Variants in PPP2R3A observed in about 807,000 individuals in gnomAD.
PPP2R3A encodes the protein protein phosphatase 2 regulatory subunit B''alpha, also known as serine/threonine-protein phosphatase 2A regulatory subunit B'' subunit alpha.
PPP2R3A carries 80 observed loss-of-function variants against 106.9 expected under a neutral mutation model. The ratio of observed to expected loss-of-function variants is 0.75; its 90% CI spans 0.62 to 0.90. The LOEUF is 0.90. Ranked by LOEUF, PPP2R3A falls within the 40% of genes least tolerant of loss-of-function variation. PPP2R3A has a pLI of 0.00. For synonymous variants in PPP2R3A, 483 were observed against 468.3 expected, an observed-to-expected ratio of 1.03 and a Z score of -0.41; for missense variants, 1,386 against 1,350.4, an observed-to-expected ratio of 1.03 and a Z score of -0.41.
chr3:136,140,005 CAAAAA>C (rs370749523), intron 13 of PPP2R3A, among the ~76,000 whole-genome samples: 2 of 84,250 alleles, frequency 2.4e-5, no homozygotes, highest in Non-Finnish European at 4.6e-5. Flanking sequence ...GACTCTGTCT[CAAAAA>C]AAAAAAAAAA....
chr3:136,006,039 TG>T (rs1185758905), intron 2 of PPP2R3A, among the ~76,000 whole-genome samples: 2 of 152,214 alleles, frequency 1.3e-5, no homozygotes, highest in Non-Finnish European at 2.9e-5. Context: ...CCTGTGTTCC[TG>T]GCTAACACCT....
chr3:136,092,794 TAATA>T (rs1423985562), intron 10 of PPP2R3A, among the ~76,000 whole-genome samples: 1 of 152,218 alleles, frequency 6.6e-6, no homozygotes, highest in African/African-American at 2.4e-5. Flanking sequence ...ACAGTGTTTT[TAATA>T]AATAGTGCCG....
chr3:135,987,344 T>C (rs1169156222), intron 1 of PPP2R3A, among the ~76,000 whole-genome samples: 1 of 152,098 alleles, frequency 6.6e-6, no homozygotes, highest in African/African-American at 2.4e-5. Context: ...TAGGGCAATA[T>C]GAAGAGGCCA....
At chr3:136,056,165 C>T (rs1935853241) in intron 5 of PPP2R3A, among the ~76,000 whole-genome samples, 1 of 152,166 alleles carries the variant, frequency 6.6e-6, no homozygotes, top group South Asian at 2.1e-4. Context: ...GAGTAGTACT[C>T]ATCAGAACTG....
At chr3:136,035,506 A>G (rs1300804473) in intron 3 of PPP2R3A, among the ~76,000 whole-genome samples, 2 of 152,212 alleles carry the variant, frequency 1.3e-5, no homozygotes, top group East Asian at 1.9e-4. Flanking sequence ...GCTGGATACA[A>G]AATTTTGGCT....
chr3:136,000,957 T>TA (rs1434263121), intron 1 of PPP2R3A, 102 bp from the exon 2 acceptor site: 1 of 387,316 alleles, frequency 2.6e-6, no homozygotes, highest in Non-Finnish European at 4.6e-6. Context: ...ATATTGCAGA[T>TA]AATAAAGCGT....
intron 1 of PPP2R3A, among the ~76,000 whole-genome samples, chr3:135,967,972 A>G (rs912029595): frequency 6.6e-6 from 1 of 152,206 alleles, no homozygotes; most frequent in African/African-American, 2.4e-5. Context: ...AACATCAAAA[A>G]TGCTTACAGA....
In PPP2R3A at chr3:136,146,995, T is replaced by TA. The variant is rs946570598; in HGVS notation, c.*1831dup. On this transcript the variant is annotated 3_prime_UTR_variant, in exon 14 of 14. Coordinates refer to ENST00000264977, the MANE Select transcript of PPP2R3A (RefSeq NM_002718.5). The stretch of plus-strand genomic sequence containing the variant: ...ATTTTACAATATACATTTTTTTTTT[T>TA]AACTATTTGGCTTTACCTTTTTACC... 8 of 152,154 alleles carry TA rather than the reference T, an allele frequency of 5.3e-5. No homozygotes were observed. The highest frequency in any genetic ancestry group is 1.9e-4 in the African/African-American group (8 of 41,486). 9.4% of individuals were successfully genotyped at this position (152,154 alleles called of 1,614,324 possible).
intron 10 of PPP2R3A, 105 bp from the exon 11 acceptor site, chr3:136,101,902 G>A: frequency 8.4e-7 from 1 of 1,194,546 alleles, no homozygotes; most frequent in South Asian, 1.7e-5. Flanking sequence ...ATCTAAGCCT[G>A]AAGTGTATGT....
chr3:136,002,698 G>A lies in PPP2R3A; in HGVS notation c.1200G>A (p.Met400Ile). ...AVQVQSQSLT[M>I]NPLENVSSDD... ...AGGTCCAATCACAGTCATTAACCAT[G>A]AATCCTTTAGAAAATGTTTCTTCTG... is the stretch of plus-strand genomic sequence containing the variant. Residue 400 changes from methionine (M) to isoleucine (I), a missense_variant, in exon 2 of 14, where the codon ATG (methionine) becomes ATA (isoleucine). Met to Ile is a conservative substitution (Grantham distance 10). Coordinates refer to ENST00000264977, the MANE Select transcript of PPP2R3A (RefSeq NM_002718.5). 1 of 1,613,122 alleles carries A rather than the reference G, an allele frequency of 6.2e-7. No homozygotes were observed. Among genetic ancestry groups the A allele is most frequent in the Non-Finnish European group, 8.5e-7 (1 of 1,179,480 alleles).
intron 1 of PPP2R3A, among the ~76,000 whole-genome samples, chr3:135,982,739 C>T (rs1937555147): frequency 6.6e-6 from 1 of 152,162 alleles, no homozygotes; most frequent in African/African-American, 2.4e-5. Context: ...GCTTTCCCAT[C>T]TGATCTCAGT....
At chr3:136,062,289 A>C (rs1936103951) in intron 5 of PPP2R3A, among the ~76,000 whole-genome samples, 1 of 152,214 alleles carries the variant, frequency 6.6e-6, no homozygotes, top group South Asian at 2.1e-4. Context: ...TTCAATCCAG[A>C]GAAGTAATGA....
Position 135,982,543 on chromosome 3 carries a change from T to C in PPP2R3A, c.-441+16694T>C, listed in dbSNP as rs867024909. 2.6e-5 allele frequency among the ~76,000 whole-genome samples: 4 copies of C among 152,060 alleles called. No individual in the cohort carries two copies. In the South Asian group the frequency reaches 6.2e-4, roughly 24 times the overall value. ...TCAGCTCAGCCTCACATACCACATA[T>C]ATGACCAGGAAATAAAAAACAAATA... On this transcript the variant is annotated intron_variant, in intron 1 of 13. Coordinates refer to ENST00000264977, the MANE Select transcript of PPP2R3A (RefSeq NM_002718.5).
At chr3:136,092,140 C>A (rs1937107444) in intron 10 of PPP2R3A, among the ~76,000 whole-genome samples, 1 of 152,088 alleles carries the variant, frequency 6.6e-6, no homozygotes, top group Admixed American at 6.5e-5. Context: ...ACCAGCCTGG[C>A]CAACATGATG....
At chr3:136,090,469 T>C (rs1937068795) in intron 9 of PPP2R3A, 109 bp from the exon 10 acceptor site, 3 of 830,290 alleles carry the variant, frequency 3.6e-6, no homozygotes, top group Admixed American at 4.8e-5. Context: ...TTTAGCATTA[T>C]AATTTAAAAA....
intron 1 of PPP2R3A, among the ~76,000 whole-genome samples, chr3:135,974,456 T>C (rs1937353316): frequency 6.6e-6 from 1 of 152,228 alleles, no homozygotes; most frequent in South Asian, 2.1e-4. Flanking sequence ...AGTTATCCAC[T>C]CAGAGGCTTT....
chr3:136,049,324 G>A lies in PPP2R3A; in HGVS notation c.2432G>A (p.Ser811Asn). The A allele has an allele frequency of 6.2e-7, 1 of 1,613,694 alleles. No individual in the cohort carries two copies. Among genetic ancestry groups the A allele is most frequent in the Non-Finnish European group, 8.5e-7 (1 of 1,179,768 alleles). ...FICLLAKPNC[S>N]SLEQEDFIPL... ...TGTCTTCTAGCAAAGCCCAACTGCA[G>A]CTCTCTAGAACAGGAGGATTTCATC... Residue 811 changes from serine to asparagine, a missense_variant, in exon 5 of 14, where the codon AGC becomes AAC. Coordinates refer to ENST00000264977, the MANE Select transcript of PPP2R3A (RefSeq NM_002718.5).
chr3:136,091,937 CACTT>C (rs1937102000), intron 10 of PPP2R3A, among the ~76,000 whole-genome samples: 1 of 152,108 alleles, frequency 6.6e-6, no homozygotes, highest in African/African-American at 2.4e-5. Flanking sequence ...CTGTTTGTTA[CACTT>C]ACCAGTGAGC....
intron 2 of PPP2R3A, among the ~76,000 whole-genome samples, chr3:136,010,999 T>C (rs1487599109): frequency 6.6e-6 from 1 of 152,174 alleles, no homozygotes; most frequent in East Asian, 1.9e-4. Context: ...AAAGAGCTGT[T>C]ATTATTGTTT....
Sources: allele counts gnomAD v4.1 joint callset (sites outside exome capture counted in the v4.1 genomes callset), GRCh38; gene constraint gnomAD v4.1.1; transcripts MANE v1.5; gene names NCBI Gene and HGNC (gene_info 2026-07-23, HGNC 2026-07-21).